WDR5: variants seen among roughly 807,000 people sequenced by gnomAD.
WDR5 encodes the protein WD repeat-containing protein 5.
For missense variants in WDR5, 187 were observed against 416.9 expected, an observed-to-expected ratio of 0.45 and a Z score of 4.80; for synonymous variants, 144 against 161.6, an observed-to-expected ratio of 0.89 and a Z score of 0.83.
chr9:134,141,301 G>C (rs1009721964), intron 3 of WDR5, among the ~76,000 whole-genome samples: 1 of 151,868 alleles, frequency 6.6e-6, no homozygotes, highest in African/African-American at 2.4e-5. Context: ...AACAAAAGAA[G>C]AAGAAAGAAA....
chr9:134,148,627 G>T (rs532025325), intron 8 of WDR5, among the ~76,000 whole-genome samples: 2 of 152,178 alleles, frequency 1.3e-5, no homozygotes, highest in South Asian at 2.1e-4. Context: ...AGACGCTGAC[G>T]TGTGCTGTTC....
chr9:134,140,038 G>A, intron 2 of WDR5, 80 bp downstream of exon 2: 1 of 1,510,742 alleles, frequency 6.6e-7, no homozygotes, highest in Admixed American at 1.8e-5. Flanking sequence ...AAGCTCATAA[G>A]CCTAGTCTTC....
chr9:134,143,497 C>T (rs1832006497), intron 7 of WDR5, among the ~76,000 whole-genome samples: 1 of 151,014 alleles, frequency 6.6e-6, no homozygotes, highest in South Asian at 2.1e-4. Context: ...GCCGAGATCG[C>T]ACCACTGCCT....
At chr9:134,151,354 G>T (rs889140953) in intron 8 of WDR5, among the ~76,000 whole-genome samples, 1 of 152,158 alleles carries the variant, frequency 6.6e-6, no homozygotes, top group Non-Finnish European at 1.5e-5. Context: ...ATGGGGTCTC[G>T]TGCTTGGGGA....
At chr9:134,153,927 T>C (rs1333487650) in intron 9 of WDR5, among the ~76,000 whole-genome samples, 2 of 152,164 alleles carry the variant, frequency 1.3e-5, no homozygotes, top group African/African-American at 2.4e-5. Context: ...CCTTGACTCT[T>C]TTTCAGCTGT....
rs1344333736 is a variant in WDR5, at chr9:134,157,785, G to T, written c.905-108G>T. On this transcript the variant is annotated intron_variant, in intron 13 of 13. Transcript: ENST00000358625. This position sits in a 1 kb window ranked among gnomAD's most constrained non-coding sequence, Gnocchi z 5.0. Reference sequence around the variant, plus strand: ...CTTGTCCTGTGACCTCCCAGGTGGCGGGCAGGCGCTACCCGCGTTTCTGGA... The same window carrying T: ...CTTGTCCTGTGACCTCCCAGGTGGCTGGCAGGCGCTACCCGCGTTTCTGGA... 7.9e-6 allele frequency: 8 copies of T among 1,013,258 alleles called. No individual in the cohort carries two copies. In the East Asian group the frequency reaches 1.8e-4, roughly 23 times the overall value. 62.8% of individuals were successfully genotyped at this position (1,013,258 alleles called of 1,614,324 possible). A position where few individuals can be genotyped will look rare whatever the true frequency, so the allele number is the denominator to read the frequency against.
chr9:134,139,634 C>T (rs1040370605), intron 1 of WDR5, among the ~76,000 whole-genome samples, 186 bp from the exon 2 acceptor site: 10 of 152,074 alleles, frequency 6.6e-5, no homozygotes, highest in African/African-American at 1.2e-4. Context: ...GGGGTGTCAG[C>T]GGAGCAGCTG....
chr9:134,142,795 C>T (rs1831962156), intron 7 of WDR5, 76 bp downstream of exon 7: 1 of 1,476,412 alleles, frequency 6.8e-7, no homozygotes, highest in African/African-American at 1.4e-5. Flanking sequence ...AGCTGTCTCC[C>T]TGAGGGGCGT....
chr9:134,146,679 G>T (rs1428345822), intron 7 of WDR5, among the ~76,000 whole-genome samples: 1 of 152,224 alleles, frequency 6.6e-6, no homozygotes, highest in East Asian at 1.9e-4. Flanking sequence ...TTTGGATGTG[G>T]TTAAGAAGCT....
chr9:134,152,874 C>T (rs1056669072), intron 9 of WDR5, among the ~76,000 whole-genome samples: 7 of 152,186 alleles, frequency 4.6e-5, no homozygotes, highest in South Asian at 2.1e-4. Flanking sequence ...GGCTTATAGA[C>T]GCTGCCTTAC....
At chr9:134,136,407 C>A (rs542845603) in intron 1 of WDR5, among the ~76,000 whole-genome samples, 2 of 151,628 alleles carry the variant, frequency 1.3e-5, no homozygotes, top group Admixed American at 1.3e-4. Flanking sequence ...GTTCCCTCCA[C>A]CCGGTCCGCC....
rs56864188 is a variant in WDR5, at chr9:134,145,096, G to GTTTTTTTTTTTTTT, written c.528+2384_528+2397dup. 9.2e-4 allele frequency among the ~76,000 whole-genome samples: 96 copies of GTTTTTTTTTTTTTT among 104,714 alleles called. 11 individuals are homozygous for GTTTTTTTTTTTTTT. Among genetic ancestry groups the GTTTTTTTTTTTTTT allele is most frequent in the African/African-American group, 3.0e-3 (88 of 29,154 alleles). 68.7% of individuals were successfully genotyped at this position (104,714 alleles called of 152,430 possible). On this transcript the variant is annotated intron_variant, in intron 7 of 13. Transcript: ENST00000358625. ...ACTGCAGAGAGGTTTGTGGGGCTTT[G>GTTTTTTTTTTTTTT]TTTTTTTTTTTTTTTTTTTTGAAAC...
At chr9:134,145,205 TCTC>T (rs1832126698) in intron 7 of WDR5, among the ~76,000 whole-genome samples, 1 of 148,042 alleles carries the variant, frequency 6.8e-6, no homozygotes, top group African/African-American at 2.5e-5. Flanking sequence ...TTCAAGGGGT[TCTC>T]CTGCCTCAGC....
intron 10 of WDR5, 115 bp downstream of exon 10, chr9:134,154,656 T>C: frequency 8.4e-7 from 1 of 1,197,026 alleles, no homozygotes; most frequent in Non-Finnish European, 1.2e-6. Flanking sequence ...GGATCCAGGC[T>C]CCTGGTGGAG....
At chr9:134,139,727 T>C in intron 1 of WDR5, 93 bp from the exon 2 acceptor site, 3 of 789,648 alleles carry the variant, frequency 3.8e-6, no homozygotes, top group Non-Finnish European at 6.0e-6. Flanking sequence ...AATATGGTAG[T>C]CAAATGTTTT....
intron 13 of WDR5, 21 bp downstream of exon 13, chr9:134,156,614 A>G (rs1368407858): frequency 6.2e-7 from 1 of 1,612,766 alleles, no homozygotes; most frequent in South Asian, 1.1e-5. Flanking sequence ...GCGCTCCTGC[A>G]GTCACTGGCT....
At chr9:134,152,310 CCT>C (rs1832537353) in intron 9 of WDR5, among the ~76,000 whole-genome samples, 1 of 152,222 alleles carries the variant, frequency 6.6e-6, no homozygotes, top group South Asian at 2.1e-4. Flanking sequence ...TCACTGGAGT[CCT>C]CTGGGCAGCC....
Position 134,155,750 on chromosome 9 carries a change from T to G in WDR5, c.799T>G (p.Ser267Ala). ...GAAATACTGCATATTTGCCAATTTC[T>G]CTGTTACTGGTGGGAAGGTGAGTCT... ...NEKYCIFANFSVTGGKWIVSG... is the reference protein window; with the variant it reads ...NEKYCIFANFAVTGGKWIVSG... Residue 267 changes from serine to alanine, a missense_variant, in exon 12 of 14, where the codon TCT (serine) becomes GCT (alanine). Physicochemically the swap from Ser to Ala is moderately conservative, Grantham distance 99 (BLOSUM62 1). Coordinates refer to ENST00000358625, the MANE Select transcript of WDR5 (RefSeq NM_017588.3). 6.2e-7 allele frequency: 1 copy of G among 1,614,156 alleles called. No homozygotes were observed. Among genetic ancestry groups the G allele is most frequent in the Non-Finnish European group, 8.5e-7 (1 of 1,180,034 alleles).
chr9:134,140,059 T>G, intron 2 of WDR5, 101 bp downstream of exon 2: 1 of 1,316,904 alleles, frequency 7.6e-7, no homozygotes, highest in Non-Finnish European at 1.1e-6. Flanking sequence ...CCTACTCAGT[T>G]AAATGTCACT....
Sources: allele counts gnomAD v4.1 joint callset (sites outside exome capture counted in the v4.1 genomes callset), GRCh38; gene constraint gnomAD v4.1.1; non-coding constraint Gnocchi (gnomAD v3.1); transcripts MANE v1.5; gene names NCBI Gene and HGNC (gene_info 2026-07-23, HGNC 2026-07-21).